Variants in SUDS3 observed in about 807,000 individuals in gnomAD.
SUDS3 encodes SIN3A corepressor complex component SDS3.
Under a neutral mutation model 53.5 loss-of-function variants are expected in SUDS3, and 23 were observed. That is an observed-to-expected ratio of 0.43 (90% CI 0.31 to 0.61). The LOEUF is 0.61. Among genes scored for constraint, SUDS3 ranks in the 20% least tolerant of loss-of-function variants. SUDS3 has a pLI of 0.10. For missense variants in SUDS3, 291 were observed against 405.9 expected (o/e 0.72, Z 2.43); for synonymous variants, 150 against 148.5 (o/e 1.01, Z -0.08).
At chr12:118,410,887 G>T (rs1229584977) in intron 10 of SUDS3, among the ~76,000 whole-genome samples, 186 bp from the exon 11 acceptor site, 1 of 151,992 alleles carries the variant, frequency 6.6e-6, no homozygotes, top group East Asian at 1.9e-4. Context: ...TTGAGCCACC[G>T]CGCCTGGCCT....
chr12:118,376,596 T>C lies in SUDS3; in HGVS notation c.-96T>C. The C allele has an allele frequency of 8.0e-7, 1 of 1,250,986 alleles. No homozygotes were observed. The highest frequency in any genetic ancestry group is 3.2e-5 in the East Asian group (1 of 31,460). 77.5% of individuals were successfully genotyped at this position (1,250,986 alleles called of 1,614,324 possible). Reference sequence around the variant, plus strand: ...TCGCCGTGGCTGCCGGTCCTCGAGTTGGGGGCTGCCGCGGACACTGCTAGG... The same window carrying C: ...TCGCCGTGGCTGCCGGTCCTCGAGTCGGGGGCTGCCGCGGACACTGCTAGG... On this transcript the variant is annotated 5_prime_UTR_variant, in exon 1 of 12. Transcript: ENST00000543473.
At chr12:118,411,033 G>C in intron 10 of SUDS3, 40 bp from the exon 11 acceptor site, 1 of 1,535,126 alleles carries the variant, frequency 6.5e-7, no homozygotes, top group Non-Finnish European at 8.9e-7. Context: ...TCCTGTCTCT[G>C]TCCCTCCCTT....
intron 6 of SUDS3, 81 bp downstream of exon 6, chr12:118,391,363 C>T: frequency 6.7e-7 from 1 of 1,485,716 alleles, no homozygotes; most frequent in Non-Finnish European, 9.0e-7. Flanking sequence ...TTTTGTCTTA[C>T]ATTTCAAGAG....
intron 10 of SUDS3, among the ~76,000 whole-genome samples, chr12:118,409,617 T>C (rs2046341198): frequency 1.3e-5 from 2 of 152,260 alleles, no homozygotes; most frequent in South Asian, 2.1e-4. Context: ...GGTTATTTCC[T>C]TATACCAGCA....
chr12:118,390,533 G>GT (rs1297853181), intron 5 of SUDS3, among the ~76,000 whole-genome samples: 2 of 152,130 alleles, frequency 1.3e-5, no homozygotes, highest in Admixed American at 1.3e-4. Context: ...TTAAATCAGT[G>GT]TGGTGCCCAT....
At position 118,384,191 on chromosome 12, in the gene SUDS3, C is replaced by T; in HGVS notation, c.268+124C>T. 4 of 947,238 alleles carry T rather than the reference C, an allele frequency of 4.2e-6. No homozygotes were observed. In the South Asian group the frequency reaches 6.5e-5, roughly 15 times the overall value. 58.7% of individuals were successfully genotyped at this position (947,238 alleles called of 1,614,324 possible). ...ACACGGTCTGGCTGATCTTAGCTAT[C>T]CAGTACATTTTGCTATCTTTTGCTG... On this transcript the variant is annotated intron_variant, in intron 3 of 11. Coordinates refer to ENST00000543473, the MANE Select transcript of SUDS3 (RefSeq NM_022491.3).
At chr12:118,411,518 G>A (rs1399333005) in intron 11 of SUDS3, among the ~76,000 whole-genome samples, 5 of 150,972 alleles carry the variant, frequency 3.3e-5, no homozygotes, top group African/African-American at 1.2e-4. Flanking sequence ...TTTTTTTTGA[G>A]ACAGAGTCTC....
In SUDS3 at chr12:118,376,724, G is replaced by A. The variant is rs1377617441; in HGVS notation, c.33G>A (p.Pro11=). ...CCGCGGGGCTGCTGGCCCCGGCCCC[G>A]GCCCAGGCTGGAGCGCCGCCGGCCC... is the stretch of plus-strand genomic sequence containing the variant. MSAAGLLAPA[P]AQAGAPPAPE... The change falls in exon 1 of 12, where the codon CCG becomes CCA. Residue 11 remains proline (P), a synonymous_variant. Coordinates refer to ENST00000543473, the MANE Select transcript of SUDS3 (RefSeq NM_022491.3). The A allele has an allele frequency of 1.3e-6, 2 of 1,525,386 alleles. No individual in the cohort carries two copies. The highest frequency in any genetic ancestry group is 2.0e-5 in the Admixed American group (1 of 49,844). 94.5% of individuals were successfully genotyped at this position (1,525,386 alleles called of 1,614,324 possible).
At chr12:118,405,485 G>A (rs915486441) in intron 10 of SUDS3, among the ~76,000 whole-genome samples, 5 of 152,164 alleles carry the variant, frequency 3.3e-5, no homozygotes, top group African/African-American at 1.2e-4. Flanking sequence ...GAACTCCTAA[G>A]CATTTTGAAG....
At chr12:118,393,417 A>G (rs955277267) in intron 6 of SUDS3, among the ~76,000 whole-genome samples, 2 of 152,188 alleles carry the variant, frequency 1.3e-5, no homozygotes, top group South Asian at 2.1e-4. Context: ...CTTTCCCACC[A>G]TGACTTAAAG....
chr12:118,392,521 A>G (rs1304052996), intron 6 of SUDS3, among the ~76,000 whole-genome samples: 2 of 152,224 alleles, frequency 1.3e-5, no homozygotes, highest in Admixed American at 6.5e-5. Flanking sequence ...AGCAGCTCAG[A>G]AATGTTTTTT....
At chr12:118,385,787 G>A (rs556623004) in intron 3 of SUDS3, among the ~76,000 whole-genome samples, 21 of 152,274 alleles carry the variant, frequency 1.4e-4, no homozygotes, top group African/African-American at 5.1e-4. Context: ...CTTACTGAAG[G>A]AGAATGAACC....
chr12:118,381,841 AG>A (rs2046066032), intron 2 of SUDS3, among the ~76,000 whole-genome samples: 2 of 152,234 alleles, frequency 1.3e-5, no homozygotes, highest in Non-Finnish European at 2.9e-5. Flanking sequence ...AACGGTATAA[AG>A]TATATTTAAT....
intron 7 of SUDS3, among the ~76,000 whole-genome samples, chr12:118,401,303 C>G (rs2046260751): frequency 6.6e-6 from 1 of 152,152 alleles, no homozygotes; most frequent in African/African-American, 2.4e-5. Context: ...GTGAATAGCT[C>G]TCTGCCCAAA....
At chr12:118,378,119 C>T (rs1229364545) in intron 1 of SUDS3, among the ~76,000 whole-genome samples, 1 of 151,560 alleles carries the variant, frequency 6.6e-6, no homozygotes, top group African/African-American at 2.4e-5. Context: ...GTTTTTTTTT[C>T]CTTCCAGTAT....
At chr12:118,407,075 T>G (rs955773073) in intron 10 of SUDS3, among the ~76,000 whole-genome samples, 1 of 151,912 alleles carries the variant, frequency 6.6e-6, no homozygotes, top group African/African-American at 2.4e-5. Flanking sequence ...GTTTTTTTGA[T>G]TTTTAGTAGA....
intron 1 of SUDS3, among the ~76,000 whole-genome samples, chr12:118,378,648 A>AT (rs1458277012): frequency 6.6e-6 from 1 of 151,248 alleles, no homozygotes; most frequent in East Asian, 2.0e-4. Flanking sequence ...TGCCTGGCTA[A>AT]TTTTTGTGGT....
At chr12:118,411,189 G>T (rs368013059) in intron 11 of SUDS3, 32 bp downstream of exon 11, 62 of 1,556,836 alleles carry the variant, frequency 4.0e-5, no homozygotes, top group Non-Finnish European at 4.8e-5. Context: ...CTTTAGGGAA[G>T]CAAAATGTGT....
intron 11 of SUDS3, among the ~76,000 whole-genome samples, chr12:118,413,230 C>A (rs561728739): frequency 6.6e-6 from 1 of 152,200 alleles, no homozygotes; most frequent in South Asian, 2.1e-4. Context: ...TTTTTAAAAC[C>A]TGAAAACTGA....
Sources: allele counts gnomAD v4.1 joint callset (sites outside exome capture counted in the v4.1 genomes callset), GRCh38; gene constraint gnomAD v4.1.1; transcripts MANE v1.5; gene names NCBI Gene and HGNC (gene_info 2026-07-23, HGNC 2026-07-21).